The following GUCY2D variants were observed in gnomAD, a reference collection of about 807,000 sequenced individuals.
GUCY2D encodes guanylate cyclase 2D, retinal, also known as retinal guanylyl cyclase 1.
In GUCY2D, 70 loss-of-function variants were observed where a neutral mutation model predicts 101.3. The observed-to-expected ratio is 0.69, with a 90% CI of 0.57 to 0.84. GUCY2D has a LOEUF of 0.84. Ranked by LOEUF, GUCY2D falls within the 40% of genes least tolerant of loss-of-function variation. The pLI, the probability that GUCY2D is intolerant of heterozygous loss-of-function variation, is 0.00. For missense variants in GUCY2D, 1,460 were observed against 1,542.5 expected (o/e 0.95, Z 0.90); for synonymous variants, 688 against 670.7 (o/e 1.03, Z -0.40).
In GUCY2D at chr17:8,003,315, C is replaced by G; in HGVS notation, c.268C>G (p.Leu90Val). ...CGCCCGCCTGAACCGCGACCCCGGC[C>G]TGGCAGGCGGTCCCCGCTTCGAGGT... is the stretch of plus-strand genomic sequence containing the variant. ...AAARLNRDPGLAGGPRFEVAL... is the reference protein window; with the variant it reads ...AAARLNRDPGVAGGPRFEVAL... Residue 90 changes from leucine (L) to valine (V), a missense_variant, in exon 2 of 20, where the codon CTG becomes GTG. Transcript: ENST00000254854. 6.7e-7 allele frequency: 1 copy of G among 1,484,406 alleles called. No individual in the cohort carries two copies. The highest frequency in any genetic ancestry group is 8.9e-7 in the Non-Finnish European group (1 of 1,124,158). The allele number at this position is 1,484,406 out of a possible 1,614,324, so 92.0% of individuals were successfully genotyped here.
rs199828903 is a variant in GUCY2D, at chr17:8,014,612, C to G, written c.2424C>G (p.Ile808Met). ...CCTTCTACTGCTAGTTCAAGAACAT[C>G]AACAAGGGCCGGAAGACGAACATCA... is the stretch of plus-strand genomic sequence containing the variant. ...MDHTFDLFKNINKGRKTNIID... is the reference protein window; with the variant it reads ...MDHTFDLFKNMNKGRKTNIID... The change falls in exon 13 of 20, where the codon ATC becomes ATG. Residue 808 changes from isoleucine to methionine, a missense_variant. Transcript: ENST00000254854. The surrounding 1 kb of genome is among the most constrained non-coding windows in gnomAD (Gnocchi z 4.0). 2 of 1,614,124 alleles carry G rather than the reference C, an allele frequency of 1.2e-6. No individual in the cohort carries two copies. The highest frequency in any genetic ancestry group is 3.3e-5 in the Admixed American group (2 of 60,024).
rs1168181797 is a variant in GUCY2D, at chr17:8,006,590, C to G, written c.1254C>G (p.Tyr418Ter). ...CGGGAGACCGGCTTTTTGCCACATA[C>G]ATGCTGGATCCTGCCCGGGGCTCCT... The part of the protein sequence containing the change: ...DAAGDRLFAT[Y>*]MLDPARGSFL... Residue 418 changes from tyrosine to a stop codon, truncating the protein, a stop_gained, in exon 4 of 20, where the codon TAC becomes TAG. Coordinates refer to ENST00000254854, the MANE Select transcript of GUCY2D (RefSeq NM_000180.4). LOFTEE classifies it high-confidence loss of function. 3.1e-6 allele frequency: 5 copies of G among 1,613,508 alleles called. No individual in the cohort carries two copies. Among genetic ancestry groups the G allele is most frequent in the Non-Finnish European group, 4.2e-6 (5 of 1,179,972 alleles).
chr17:8,020,089 C>CTTTTTTTTTTT (rs57273310), intron 19 of GUCY2D, 39 bp from the exon 20 acceptor site: 9 of 84,316 alleles, frequency 1.1e-4, no homozygotes, highest in Admixed American at 3.0e-4. Flanking sequence ...CACCTGGCGC[C>CTTTTTTTTTTT]TTTTTTTTTT....
rs544410836 is a variant in GUCY2D at position 8,011,928 on chromosome 17, T to C, written c.1750-216T>C. The stretch of plus-strand genomic sequence containing the variant: ...TTCACAGCATTAGGCTAAACCATAC[T>C]CAGTATCCAAACAGTGGCCTTTGAC... On this transcript the variant is annotated intron_variant, in intron 8 of 19. Transcript: ENST00000254854. The surrounding 1 kb of genome is among the most constrained non-coding windows in gnomAD (Gnocchi z 4.3). Among the ~76,000 whole-genome samples the C allele has an allele frequency of 2.0e-5, 3 of 152,346 alleles. No homozygotes were observed. The highest frequency in any genetic ancestry group is 3.9e-4 in the East Asian group (2 of 5,192).
In GUCY2D at chr17:8,003,853, A is replaced by T. The variant is rs1288920920; in HGVS notation, c.723A>T (p.Ala241=). The T allele has an allele frequency of 1.2e-6, 2 of 1,611,708 alleles. No individual in the cohort carries two copies. The highest frequency in any genetic ancestry group is 1.1e-5 in the South Asian group (1 of 91,016). The change falls in exon 3 of 20, where the codon GCA becomes GCT. Residue 241 remains alanine, a splice_region_variant and synonymous_variant. Coordinates refer to ENST00000254854, the MANE Select transcript of GUCY2D (RefSeq NM_000180.4). ...CGCGAGCCAAGCCTCTGTCCGCAGCAGTGATCATGGTGATGCACTCGGTGC... is the reference window on the plus strand; with the variant it reads ...CGCGAGCCAAGCCTCTGTCCGCAGCTGTGATCATGGTGATGCACTCGGTGC... ...RKVRDGPRVT[A]VIMVMHSVLL... is the part of the protein sequence containing the mutation.
rs1246455684 is a variant in GUCY2D, at chr17:8,006,683, C to G, written c.1347C>G (p.Cys449Trp). ...CAGCACCCGGACCTGACCCCTCGTG[C>G]TGGTTCGATCCAAACAACATCTGCG... is the stretch of plus-strand genomic sequence containing the variant. The part of the protein sequence containing the change: ...GGSAPGPDPS[C>W]WFDPNNICGG... Residue 449 changes from cysteine to tryptophan, a missense_variant, in exon 4 of 20, where the codon TGC becomes TGG. By Grantham distance (215) the Cys-to-Trp change is radical (BLOSUM62 -2). Around this residue, in one of 3 missense-constraint regions of GUCY2D, gnomAD observed 1,196 missense variants for 1,229.6 expected, o/e 0.97. Coordinates refer to ENST00000254854, the MANE Select transcript of GUCY2D (RefSeq NM_000180.4). The G allele has an allele frequency of 5.0e-6, 8 of 1,610,408 alleles. No homozygotes were observed. The highest frequency in any genetic ancestry group is 6.8e-6 in the Non-Finnish European group (8 of 1,178,262).
chr17:8,012,689 C>T, intron 10 of GUCY2D, 83 bp downstream of exon 10: 1 of 1,073,358 alleles, frequency 9.3e-7, no homozygotes, highest in Admixed American at 1.8e-5. Flanking sequence ...CCTACCTCTG[C>T]CCTCGCACTC....
At chr17:8,017,022 C>T (rs1975992437) in intron 19 of GUCY2D, among the ~76,000 whole-genome samples, 1 of 152,202 alleles carries the variant, frequency 6.6e-6, no homozygotes, top group Non-Finnish European at 1.5e-5. Context: ...CCCCTCTTTT[C>T]TTCAGGATTG....
Position 8,006,406 on chromosome 17 carries a change from T to C in GUCY2D, c.1070T>C (p.Leu357Pro), listed in dbSNP as rs1975738016. ...FGTIYDAVFL[L>P]ARGVAEARAA... Reference sequence around the variant, plus strand: ...ACCATCTATGACGCGGTCTTCTTGCTGGCAAGGGGCGTGGCAGAAGCGCGG... The same window carrying C: ...ACCATCTATGACGCGGTCTTCTTGCCGGCAAGGGGCGTGGCAGAAGCGCGG... The change falls in exon 4 of 20, where the codon CTG (leucine) becomes CCG (proline). Residue 357 changes from leucine to proline, a missense_variant. By Grantham distance (98) the Leu-to-Pro change is moderately conservative. Around this residue, in one of 3 missense-constraint regions of GUCY2D, gnomAD observed 1,196 missense variants for 1,229.6 expected, o/e 0.97. Transcript: ENST00000254854. 1 of 1,601,958 alleles carries C rather than the reference T, an allele frequency of 6.2e-7. No individual in the cohort carries two copies.
chr17:8,017,759 C>G (rs1023146876), intron 19 of GUCY2D, among the ~76,000 whole-genome samples: 1 of 152,102 alleles, frequency 6.6e-6, no homozygotes, highest in Non-Finnish European at 1.5e-5. Context: ...GTGACACAAT[C>G]TCGACTCATT....
At position 8,011,823 on chromosome 17, in the gene GUCY2D, C is replaced by T. The variant is rs1056683095; in HGVS notation, c.1750-321C>T. 3.9e-5 allele frequency among the ~76,000 whole-genome samples: 6 copies of T among 151,978 alleles called. No individual in the cohort carries two copies. The highest frequency in any genetic ancestry group is 1.2e-4 in the African/African-American group (5 of 41,446). On this transcript the variant is annotated intron_variant, in intron 8 of 19. Coordinates refer to ENST00000254854, the MANE Select transcript of GUCY2D (RefSeq NM_000180.4). The surrounding 1 kb of genome is among the most constrained non-coding windows in gnomAD (Gnocchi z 4.3). Reference sequence around the variant, plus strand: ...CAGTCTGGGCAACAGAGTGAGACCTCGTGTCTAAAAAAAAAGGCTTATGAT... The same window carrying T: ...CAGTCTGGGCAACAGAGTGAGACCTTGTGTCTAAAAAAAAAGGCTTATGAT...
chr17:8,007,371 G>T, intron 5 of GUCY2D, 55 bp from the exon 6 acceptor site: 1 of 1,221,602 alleles, frequency 8.2e-7, no homozygotes, highest in Non-Finnish European at 1.2e-6. Flanking sequence ...TCCCCTGCTG[G>T]TCTCTTCTGA....
rs550992644 is a variant in GUCY2D, at chr17:8,016,469, A to G, written c.3251A>G (p.Gln1084Arg). 19 of 1,577,408 alleles carry G rather than the reference A, an allele frequency of 1.2e-5. No individual in the cohort carries two copies. In the South Asian group the frequency reaches 1.9e-4, roughly 15 times the overall value. The stretch of plus-strand genomic sequence containing the variant: ...TCCAGCAACCACGGCATCAGCCTGC[A>G]GGAGATCCCACCCGAGCGGCGACGG... ...PGSSNHGISLQEIPPERRRKL... is the reference protein window; with the variant it reads ...PGSSNHGISLREIPPERRRKL... The change falls in exon 19 of 20, where the codon CAG becomes CGG. Residue 1084 changes from glutamine (Q) to arginine (R), a missense_variant. Gln to Arg is a conservative substitution (Grantham distance 43). This residue lies in a region of GUCY2D where 215 missense variants were observed against 227.9 expected (regional missense o/e 0.94). Coordinates refer to ENST00000254854, the MANE Select transcript of GUCY2D (RefSeq NM_000180.4).
At chr17:8,007,748 G>C (rs1322425631) in intron 6 of GUCY2D, among the ~76,000 whole-genome samples, 183 bp from the exon 7 acceptor site, 1 of 152,182 alleles carries the variant, frequency 6.6e-6, no homozygotes, top group Non-Finnish European at 1.5e-5. Flanking sequence ...GCTCCAACAA[G>C]AAAATGAATG....
intron 19 of GUCY2D, among the ~76,000 whole-genome samples, chr17:8,018,656 C>G (rs1357838184): frequency 6.6e-6 from 1 of 152,164 alleles, no homozygotes. Flanking sequence ...TAACCACATT[C>G]TGCTGCAGCT....
chr17:8,012,578 G>A lies in GUCY2D; in HGVS notation c.2085G>A (p.Lys695=). 1.9e-6 allele frequency: 3 copies of A among 1,613,560 alleles called. No individual in the cohort carries two copies. The highest frequency in any genetic ancestry group is 2.5e-6 in the Non-Finnish European group (3 of 1,179,682). The change falls in exon 10 of 20, where the codon AAG becomes AAA. Residue 695 remains lysine, a synonymous_variant. Coordinates refer to ENST00000254854, the MANE Select transcript of GUCY2D (RefSeq NM_000180.4). ...HGHGRLLEAQ[K]VLPEPPRAED... ...ACGGGAGACTGCTGGAAGCACAGAA[G>A]GTGCTACCGGAGCCTCCCAGAGCGG... is the stretch of plus-strand genomic sequence containing the variant.
chr17:8,015,976 G>A lies in GUCY2D; in HGVS notation c.3093G>A (p.Leu1031=). The A allele has an allele frequency of 6.2e-7, 1 of 1,612,110 alleles. No homozygotes were observed. Among genetic ancestry groups the A allele is most frequent in the Non-Finnish European group, 8.5e-7 (1 of 1,179,402 alleles). Residue 1031 remains leucine (L), a synonymous_variant, in exon 17 of 20, where the codon CTG becomes CTA. Transcript: ENST00000254854. ...GCACTGTGGGGATTCTCCGTGCTCT[G>A]GACTCGGGCTACCAGGTGGAGCTGC... The part of the protein sequence containing the change: ...NLSTVGILRA[L]DSGYQVELRG...
rs752607737 is a variant in GUCY2D, at chr17:8,007,531, G to T, written c.1566+3G>T. 5.7e-6 allele frequency: 9 copies of T among 1,565,842 alleles called. No homozygotes were observed. Among genetic ancestry groups the T allele is most frequent in the Admixed American group, 3.3e-5 (2 of 59,944 alleles). ...CACATGGGGGCACCTCTCGAAAGGTGGGGGAGGCAGAGAGGCAGGAGCCAG... is the reference window on the plus strand; with the variant it reads ...CACATGGGGGCACCTCTCGAAAGGTTGGGGAGGCAGAGAGGCAGGAGCCAG... On this transcript the variant is annotated splice_donor_region_variant and intron_variant, in intron 6 of 19. Transcript: ENST00000254854.
In GUCY2D at chr17:8,003,997, G is replaced by T. The variant is rs1975691240; in HGVS notation, c.867G>T (p.Pro289=). Residue 289 remains proline, a synonymous_variant, in exon 3 of 20, where the codon CCG becomes CCT. Coordinates refer to ENST00000254854, the MANE Select transcript of GUCY2D (RefSeq NM_000180.4). ...DTIHYALSPG[P]EALAALANSS... ...TCCACTACGCCTTGTCCCCAGGCCC[G>T]GAGGCCTTGGCCGCACTCGCCAACA... 1 of 1,613,224 alleles carries T rather than the reference G, an allele frequency of 6.2e-7. No homozygotes were observed. Among genetic ancestry groups the T allele is most frequent in the African/African-American group, 1.3e-5 (1 of 74,922 alleles).
Sources: allele counts gnomAD v4.1 joint callset (sites outside exome capture counted in the v4.1 genomes callset), GRCh38; gene constraint gnomAD v4.1.1; regional missense constraint gnomAD v4.1.1; non-coding constraint Gnocchi (gnomAD v3.1); transcripts MANE v1.5; gene names NCBI Gene and HGNC (gene_info 2026-07-23, HGNC 2026-07-21).